TRAF3: variants seen among roughly 807,000 people sequenced by gnomAD.
TRAF3 encodes TNF receptor-associated factor 3.
TRAF3 carries 13 observed loss-of-function variants against 62.3 expected under a neutral mutation model. The ratio of observed to expected loss-of-function variants is 0.21; its 90% CI spans 0.14 to 0.33. The LOEUF is 0.33. Among genes scored for constraint, TRAF3 ranks in the 10% least tolerant of loss-of-function variants. TRAF3 has a pLI of 1.00. For missense variants in TRAF3, 440 were observed against 741.8 expected (o/e 0.59, Z 4.73); for synonymous variants, 269 against 283.4 (o/e 0.95, Z 0.51).
intron 1 of TRAF3, among the ~76,000 whole-genome samples, chr14:102,782,459 C>G (rs1193420939): frequency 6.6e-6 from 1 of 152,002 alleles, no homozygotes; most frequent in Non-Finnish European, 1.5e-5. Context: ...TCTCAAACTC[C>G]TGACCTCAAG....
intron 2 of TRAF3, among the ~76,000 whole-genome samples, chr14:102,831,668 TC>T (rs1900696326): frequency 6.6e-6 from 1 of 152,134 alleles, no homozygotes; most frequent in South Asian, 2.1e-4. Flanking sequence ...CAGCCATGGG[TC>T]CCGTTGCCCA....
At chr14:102,896,249 C>T (rs536151409) in intron 9 of TRAF3, among the ~76,000 whole-genome samples, 2 of 152,234 alleles carry the variant, frequency 1.3e-5, no homozygotes, top group East Asian at 3.9e-4. Flanking sequence ...CAAAAACGTC[C>T]GCCCCTCTGT....
chr14:102,865,874 C>A (rs1189195981), intron 2 of TRAF3: 2 of 152,202 alleles, frequency 1.3e-5, no homozygotes, highest in African/African-American at 2.4e-5. Flanking sequence ...TTTGGCAGCA[C>A]ATATACTAAA....
intron 5 of TRAF3, among the ~76,000 whole-genome samples, chr14:102,876,043 T>G (rs1888630348): frequency 6.6e-6 from 1 of 152,194 alleles, no homozygotes; most frequent in Admixed American, 6.6e-5. Context: ...TAACTTCTTA[T>G]TTTTTTAGTT....
At chr14:102,881,345 C>T (rs561731368) in intron 6 of TRAF3, among the ~76,000 whole-genome samples, 3 of 150,906 alleles carry the variant, frequency 2.0e-5, no homozygotes, top group South Asian at 2.1e-4. Context: ...GATTGTGCCA[C>T]TGCACTTCAG....
chr14:102,796,584 G>A (rs942477479), intron 1 of TRAF3, among the ~76,000 whole-genome samples: 5 of 152,200 alleles, frequency 3.3e-5, no homozygotes, highest in Non-Finnish European at 5.9e-5. Context: ...CTTTGTTCAC[G>A]CAATTCTTCT....
Position 102,903,973 on chromosome 14 carries a change from AG to A in TRAF3, c.1135+546del. ...GTGTGTGTGTGGGGCCGGATGAAGC[AG>A]GCAGAGAATGAGGTTGGAGGAGAGG... On this transcript the variant is annotated intron_variant, in intron 11 of 11. Coordinates refer to ENST00000392745, the MANE Select transcript of TRAF3 (RefSeq NM_145725.3). This position sits in a 1 kb window ranked among gnomAD's most constrained non-coding sequence, Gnocchi z 6.4. The A allele has an allele frequency of 2.7e-6, 1 of 368,556 alleles. No homozygotes were observed. Among genetic ancestry groups the A allele is most frequent in the Non-Finnish European group, 5.4e-6 (1 of 183,654 alleles). The allele number at this position is 368,556 out of a possible 1,614,324, so 22.8% of individuals were successfully genotyped here.
intron 10 of TRAF3, among the ~76,000 whole-genome samples, chr14:102,900,285 G>T (rs1890224854): frequency 6.6e-6 from 1 of 150,948 alleles, no homozygotes; most frequent in Non-Finnish European, 1.5e-5. Flanking sequence ...GGTGGATCAC[G>T]AGGTCAGGAG....
intron 1 of TRAF3, among the ~76,000 whole-genome samples, chr14:102,777,944 G>T (rs1480672837): frequency 6.7e-6 from 1 of 149,916 alleles, no homozygotes; most frequent in African/African-American, 2.4e-5. Flanking sequence ...GGGCCCGAGG[G>T]GGCCGGGGCG....
At chr14:102,779,619 A>G (rs1023918983) in intron 1 of TRAF3, among the ~76,000 whole-genome samples, 3 of 152,216 alleles carry the variant, frequency 2.0e-5, no homozygotes, top group African/African-American at 7.2e-5. Flanking sequence ...TTTCTAGGGT[A>G]TTGTCAGGAT....
intron 2 of TRAF3, among the ~76,000 whole-genome samples, chr14:102,837,058 G>C (rs966995634): frequency 1.3e-5 from 2 of 151,226 alleles, no homozygotes; most frequent in Non-Finnish European, 2.9e-5. Flanking sequence ...CTGTTCAAAA[G>C]TAAGATAAAT....
At chr14:102,779,108 C>T (rs1050737930) in intron 1 of TRAF3, among the ~76,000 whole-genome samples, 1 of 152,100 alleles carries the variant, frequency 6.6e-6, no homozygotes, top group African/African-American at 2.4e-5. Context: ...GTGCTCATGA[C>T]GGAAACCCTG....
intron 1 of TRAF3, among the ~76,000 whole-genome samples, chr14:102,813,596 G>A (rs539324707): frequency 1.6e-4 from 25 of 151,828 alleles, no homozygotes; most frequent in Non-Finnish European, 1.0e-4. Context: ...GACTACAGGC[G>A]CACACCACCA....
intron 10 of TRAF3, among the ~76,000 whole-genome samples, chr14:102,902,231 G>T (rs528165900): frequency 2.6e-5 from 4 of 152,360 alleles, no homozygotes; most frequent in African/African-American, 9.6e-5. Context: ...TGCCTCCCTC[G>T]CTGGGGCCTG....
chr14:102,876,869 A>G (rs1888695130), intron 6 of TRAF3, among the ~76,000 whole-genome samples: 1 of 151,348 alleles, frequency 6.6e-6, no homozygotes, highest in Non-Finnish European at 1.5e-5. Flanking sequence ...TCCGTTCCAC[A>G]GGACTTCTGC....
At chr14:102,842,324 AATAAT>A (rs1886423930) in intron 2 of TRAF3, among the ~76,000 whole-genome samples, 1 of 148,504 alleles carries the variant, frequency 6.7e-6, no homozygotes, top group Non-Finnish European at 1.5e-5. Context: ...TATATAGTAA[AATAAT>A]ATATACACAT....
chr14:102,802,115 G>C (rs1327172389), intron 1 of TRAF3, among the ~76,000 whole-genome samples: 1 of 148,566 alleles, frequency 6.7e-6, no homozygotes, highest in Non-Finnish European at 1.5e-5. Flanking sequence ...GCCTCCCAAA[G>C]TGCTGGGATT....
chr14:102,850,159 G>T (rs1886951031), intron 2 of TRAF3, among the ~76,000 whole-genome samples: 1 of 152,192 alleles, frequency 6.6e-6, no homozygotes, highest in African/African-American at 2.4e-5. Flanking sequence ...ATAGAAGAAA[G>T]TGAAAGGAAT....
chr14:102,820,017 G>T (rs1207729507), intron 1 of TRAF3, among the ~76,000 whole-genome samples: 2 of 152,198 alleles, frequency 1.3e-5, no homozygotes, highest in Non-Finnish European at 2.9e-5. Context: ...AAAACATCAC[G>T]CCTGCCCTCC....
Sources: gnomAD v4.1 joint callset for allele counts (sites outside exome capture counted in the v4.1 genomes callset) on GRCh38, gnomAD v4.1.1 for gene constraint, Gnocchi (gnomAD v3.1) non-coding constraint, MANE v1.5 for transcripts, NCBI Gene and HGNC (gene_info 2026-07-23, HGNC 2026-07-21) for gene names.